AGBL4: variants seen among roughly 807,000 people sequenced by gnomAD.
AGBL4 encodes AGBL carboxypeptidase 4.
In AGBL4, 58 loss-of-function variants were observed where a neutral mutation model predicts 66.4. That is an observed-to-expected ratio of 0.87 (90% confidence interval 0.71 to 1.09). AGBL4 has a LOEUF of 1.09. Among genes scored for constraint, AGBL4 ranks in the 50% least tolerant of loss-of-function variants. The pLI, the probability that AGBL4 is intolerant of heterozygous loss-of-function variation, is 0.00. For missense variants in AGBL4, 579 were observed against 631.0 expected (o/e 0.92, Z 0.88); for synonymous variants, 234 against 222.9 (o/e 1.05, Z -0.44).
intron 4 of AGBL4, among the ~76,000 whole-genome samples, chr1:49,228,641 G>C (rs1650085773): frequency 6.6e-6 from 1 of 152,212 alleles, no homozygotes; most frequent in Non-Finnish European, 1.5e-5. Flanking sequence ...CTGTGAGCAA[G>C]GGGGAAAGTG....
chr1:49,374,320 A>G (rs1258695817), intron 3 of AGBL4: 1 of 151,672 alleles, frequency 6.6e-6, no homozygotes, highest in Non-Finnish European at 1.5e-5. Flanking sequence ...TCTACTCTTC[A>G]GCTTCATTCC....
rs1367467216 is a variant in AGBL4 at position 49,007,528 on chromosome 1, G to T, written c.594+38056C>A. Among the ~76,000 whole-genome samples, 171 of 148,470 alleles carry T rather than the reference G, an allele frequency of 1.2e-3. 1 individual carries two copies. The highest frequency in any genetic ancestry group is 4.2e-3 in the African/African-American group (169 of 40,470). On this transcript the variant is annotated intron_variant, in intron 5 of 13. Transcript: ENST00000371839. ...TTCAGATTCAGGAAATACAGAGAAC[G>T]CCACAAAGATACTCCTCGAGAAGAG...
chr1:49,285,748 C>T (rs982256197), intron 3 of AGBL4, among the ~76,000 whole-genome samples: 13 of 152,102 alleles, frequency 8.5e-5, no homozygotes, highest in Non-Finnish European at 1.3e-4. Context: ...AACACCTCTA[C>T]GCAAATAAAC....
intron 3 of AGBL4, among the ~76,000 whole-genome samples, chr1:49,253,750 T>C (rs752586216): frequency 6.6e-6 from 1 of 151,250 alleles, no homozygotes; most frequent in Non-Finnish European, 1.5e-5. Context: ...TGATGAACAC[T>C]GACGCAAAAA....
chr1:48,890,173 C>T (rs1650801344), intron 5 of AGBL4, among the ~76,000 whole-genome samples: 2 of 152,062 alleles, frequency 1.3e-5, no homozygotes, highest in Non-Finnish European at 2.9e-5. Context: ...CTCCTTTCAC[C>T]CTGTCTCTCA....
intron 4 of AGBL4, among the ~76,000 whole-genome samples, chr1:49,185,665 G>A (rs940137563): frequency 3.9e-5 from 6 of 152,078 alleles, no homozygotes; most frequent in African/African-American, 1.2e-4. Flanking sequence ...AAACACGAAG[G>A]AAGTTCTTGC....
chr1:49,626,920 A>G (rs901408152), intron 3 of AGBL4, among the ~76,000 whole-genome samples: 1 of 152,206 alleles, frequency 6.6e-6, no homozygotes, highest in Non-Finnish European at 1.5e-5. Context: ...GGGCACTAAC[A>G]TAGATTTACA....
At chr1:49,925,739 G>C (rs534077502) in intron 1 of AGBL4, among the ~76,000 whole-genome samples, 1 of 152,180 alleles carries the variant, frequency 6.6e-6, no homozygotes, top group Non-Finnish European at 1.5e-5. Flanking sequence ...GTGCCCTGGC[G>C]GTGCTCCCCG....
intron 3 of AGBL4, among the ~76,000 whole-genome samples, chr1:49,530,145 T>G (rs1355240586): frequency 6.6e-6 from 1 of 151,576 alleles, no homozygotes; most frequent in Non-Finnish European, 1.5e-5. Context: ...TAAATTATCA[T>G]CAACATTGTC....
chr1:48,822,791 T>TAC (rs957493070), intron 6 of AGBL4, among the ~76,000 whole-genome samples: 2 of 152,188 alleles, frequency 1.3e-5, no homozygotes, highest in Non-Finnish European at 2.9e-5. Flanking sequence ...CTTTATAGCA[T>TAC]ACACACACAC....
At chr1:49,863,514 A>C (rs906129811) in intron 1 of AGBL4, among the ~76,000 whole-genome samples, 3 of 152,244 alleles carry the variant, frequency 2.0e-5, no homozygotes, top group African/African-American at 7.2e-5. Flanking sequence ...AATGTGAGAA[A>C]ATATTTGTAG....
rs1274734965 is a variant in AGBL4, at chr1:49,043,928, C to G, written c.594+1656G>C. On this transcript the variant is annotated intron_variant, in intron 5 of 13. Transcript: ENST00000371839. ...TTATGTGAAACTCACAGTCACTAGG[C>G]TGAGTCCATTTAACTAGCAACACAT... 1.3e-5 allele frequency among the ~76,000 whole-genome samples: 2 copies of G among 152,164 alleles called. 1 individual carries two copies. The highest frequency in any genetic ancestry group is 2.9e-5 in the Non-Finnish European group (2 of 68,036).
intron 6 of AGBL4, among the ~76,000 whole-genome samples, chr1:48,769,369 T>C (rs940173053): frequency 5.9e-5 from 9 of 152,104 alleles, no homozygotes; most frequent in African/African-American, 2.2e-4. Context: ...GGGAAGTTCA[T>C]TCTATGGAGC....
chr1:48,825,221 G>GA (rs1344850726), intron 6 of AGBL4, among the ~76,000 whole-genome samples: 1 of 152,174 alleles, frequency 6.6e-6, no homozygotes, highest in East Asian at 1.9e-4. Flanking sequence ...CGGAGGCCAG[G>GA]AGGGAGGGAA....
intron 6 of AGBL4, among the ~76,000 whole-genome samples, chr1:48,696,141 A>G (rs1401624744): frequency 6.6e-6 from 1 of 152,064 alleles, no homozygotes; most frequent in Non-Finnish European, 1.5e-5. Flanking sequence ...TATTAGAGAT[A>G]TTTTATCTCT....
intron 3 of AGBL4, among the ~76,000 whole-genome samples, chr1:49,599,628 TCTTA>T (rs1399155967): frequency 6.6e-6 from 1 of 152,162 alleles, no homozygotes; most frequent in African/African-American, 2.4e-5. Context: ...TCTGCTCTGA[TCTTA>T]CTTATTTCTT....
downstream of AGBL4, among the ~76,000 whole-genome samples, chr1:48,528,086 C>A (rs915851759): frequency 2.6e-5 from 4 of 152,096 alleles, no homozygotes; most frequent in East Asian, 1.9e-4. Flanking sequence ...TGCCAATAGG[C>A]ATTATTGTCC....
intron 3 of AGBL4, among the ~76,000 whole-genome samples, chr1:49,495,276 C>T (rs560839544): frequency 7.9e-5 from 12 of 152,192 alleles, no homozygotes; most frequent in African/African-American, 2.4e-4. Flanking sequence ...ACCTGTGGCC[C>T]GTGGGCCGCA....
intron 2 of AGBL4, among the ~76,000 whole-genome samples, chr1:49,762,414 CTTT>C (rs759348883): frequency 3.6e-5 from 5 of 139,242 alleles, no homozygotes; most frequent in Non-Finnish European, 3.2e-5. Context: ...CAATTTTCTT[CTTT>C]TTTTTTTTTT....
Sources: allele counts gnomAD v4.1 joint callset (sites outside exome capture counted in the v4.1 genomes callset), GRCh38; gene constraint gnomAD v4.1.1; transcripts MANE v1.5; gene names NCBI Gene and HGNC (gene_info 2026-07-23, HGNC 2026-07-21).